The following CCDC187 variants were observed in gnomAD, a reference collection of about 807,000 sequenced individuals.
CCDC187 encodes the protein coiled-coil domain containing 187.
In CCDC187, 32 loss-of-function variants were observed where a neutral mutation model predicts 38.0. The ratio of observed to expected loss-of-function variants is 0.84; its 90% CI spans 0.64 to 1.13. The LOEUF is 1.13. Among genes scored for constraint, CCDC187 ranks in the 50% most tolerant of loss-of-function variants. The pLI is 0.00. For synonymous variants in CCDC187, 333 were observed against 347.9 expected (o/e 0.96, Z 0.48); for missense variants, 707 against 786.8 (o/e 0.90, Z 1.21).
intron 10 of CCDC187, among the ~76,000 whole-genome samples, chr9:136,279,978 G>C (rs1414858281): frequency 1.3e-5 from 2 of 152,198 alleles, no homozygotes; most frequent in Non-Finnish European, 2.9e-5. Flanking sequence ...GCCCTTGCCA[G>C]ACACCGGCAT....
Position 136,252,582 on chromosome 9 carries a change from C to T in CCDC187, c.*1012G>A, listed in dbSNP as rs377040686. On this transcript the variant is annotated 3_prime_UTR_variant, in exon 26 of 26. Coordinates refer to ENST00000638797, the MANE Select transcript of CCDC187 (RefSeq NM_001378188.1). ...TGTCCCGCACAGCCGGCCGCCCGGC[C>T]GGTCCACCCTGGGAAAGTCCAGGCC... The T allele has an allele frequency of 9.6e-4, 165 of 172,132 alleles. No homozygotes were observed. The highest frequency in any genetic ancestry group is 6.4e-3 in the South Asian group (67 of 10,394). The allele number at this position is 172,132 out of a possible 1,614,324, so 10.7% of individuals were successfully genotyped here.
chr9:136,268,110 T>C lies in CCDC187; in HGVS notation c.3458A>G (p.Asp1153Gly). 1 of 985,490 alleles carries C rather than the reference T, an allele frequency of 1.0e-6. No homozygotes were observed. Among genetic ancestry groups the C allele is most frequent in the Non-Finnish European group, 1.2e-6 (1 of 829,964 alleles). The allele number at this position is 985,490 out of a possible 1,614,324, so 61.0% of individuals were successfully genotyped here. The part of the protein sequence containing the change: ...KPASAEVEGP[D>G]GALSQLPLAK... ...CAGGGGAAGCTGGGAGAGGGCTCCGTCAGGGCCCTCCACCTCTGAGGAAGG... is the reference window on the plus strand; with the variant it reads ...CAGGGGAAGCTGGGAGAGGGCTCCGCCAGGGCCCTCCACCTCTGAGGAAGG... Residue 1153 changes from aspartate to glycine, a missense_variant, in exon 15 of 26, where the codon GAC becomes GGC. Physicochemically the swap from Asp to Gly is moderately conservative, Grantham distance 94 (BLOSUM62 -1). Transcript: ENST00000638797.
chr9:136,301,751 T>C (rs1378710239), intron 2 of CCDC187, among the ~76,000 whole-genome samples: 1 of 151,922 alleles, frequency 6.6e-6, no homozygotes, highest in South Asian at 2.1e-4. Context: ...CATGCCCAGC[T>C]AGTTTTTTTT....
chr9:136,260,770 G>T (rs540097842), intron 19 of CCDC187, among the ~76,000 whole-genome samples: 5 of 152,324 alleles, frequency 3.3e-5, no homozygotes, highest in Admixed American at 3.3e-4. Context: ...TTCACAGATG[G>T]TCCAGGGTGA....
At chr9:136,294,579 G>T (rs1007093747) in intron 4 of CCDC187, among the ~76,000 whole-genome samples, 4 of 152,164 alleles carry the variant, frequency 2.6e-5, no homozygotes, top group Non-Finnish European at 4.4e-5. Flanking sequence ...GAGCACCCAG[G>T]GGCAGGCTCC....
chr9:136,288,065 G>A (rs974123253), intron 7 of CCDC187, among the ~76,000 whole-genome samples: 13 of 152,146 alleles, frequency 8.5e-5, no homozygotes, highest in East Asian at 1.9e-4. Flanking sequence ...GCAGCTGCCC[G>A]AGACGACGAG....
intron 14 of CCDC187, among the ~76,000 whole-genome samples, chr9:136,269,517 G>A (rs1446542443): frequency 3.3e-5 from 5 of 152,122 alleles, no homozygotes; most frequent in Non-Finnish European, 7.4e-5. Flanking sequence ...GCGTGGTGGT[G>A]GGCGCCTGTA....
Position 136,254,975 on chromosome 9 carries a change from G to A in CCDC187, c.4853C>T (p.Ala1618Val), listed in dbSNP as rs1830594847. The change falls in exon 26 of 26, where the codon GCA becomes GTA. Residue 1618 changes from alanine to valine, a missense_variant. Ala to Val is a moderately conservative substitution (Grantham distance 64). Transcript: ENST00000638797. ...EATVSSHTSP[A>V]GSVSSLSCPS... Reference sequence around the variant, plus strand: ...ACAGGACAGGCTGCTCACAGAGCCTGCTGGGGAGGTGTGGGATGACACCGT... The same window carrying A: ...ACAGGACAGGCTGCTCACAGAGCCTACTGGGGAGGTGTGGGATGACACCGT... 3 of 985,380 alleles carry A rather than the reference G, an allele frequency of 3.0e-6. No homozygotes were observed. Among genetic ancestry groups the A allele is most frequent in the Non-Finnish European group, 3.6e-6 (3 of 829,960 alleles). The allele number at this position is 985,380 out of a possible 1,614,324, so 61.0% of individuals were successfully genotyped here. A position where few individuals can be genotyped will look rare whatever the true frequency, so the allele number is the denominator to read the frequency against.
chr9:136,289,500 CAG>C (rs1198972447), intron 7 of CCDC187, among the ~76,000 whole-genome samples: 403 of 95,240 alleles, frequency 4.2e-3, no homozygotes, highest in Admixed American at 9.1e-3. Flanking sequence ...GCCTGGGCAA[CAG>C]AGCAAAACTC....
intron 14 of CCDC187, 55 bp from the exon 15 acceptor site, chr9:136,268,180 C>T: frequency 1.0e-6 from 1 of 965,104 alleles, no homozygotes; most frequent in Non-Finnish European, 1.2e-6. Flanking sequence ...TGCCCCGTGT[C>T]AGGGGCCATT....
chr9:136,275,483 C>T (rs977481675), intron 12 of CCDC187, among the ~76,000 whole-genome samples: 14 of 152,290 alleles, frequency 9.2e-5, no homozygotes, highest in Non-Finnish European at 1.8e-4. Flanking sequence ...CGCGTGCACA[C>T]ACCCACACGT....
chr9:136,264,258 A>C lies in CCDC187; in HGVS notation c.3736-460T>G, dbSNP rs1830714657. The C allele has an allele frequency of 6.6e-6, 1 of 152,460 alleles. No homozygotes were observed. The highest frequency in any genetic ancestry group is 1.5e-5 in the Non-Finnish European group (1 of 68,226). 9.4% of individuals were successfully genotyped at this position (152,460 alleles called of 1,614,324 possible). On this transcript the variant is annotated intron_variant, in intron 17 of 25. Coordinates refer to ENST00000638797, the MANE Select transcript of CCDC187 (RefSeq NM_001378188.1). This position sits in a 1 kb window ranked among gnomAD's most constrained non-coding sequence, Gnocchi z 4.3. ...CTGGGAGACAGCAGCTTCACTGGTGAGACGGGAAAGCGAGGCTCTGCCAAG... is the reference window on the plus strand; with the variant it reads ...CTGGGAGACAGCAGCTTCACTGGTGCGACGGGAAAGCGAGGCTCTGCCAAG...
chr9:136,293,539 T>C (rs1311920495), intron 4 of CCDC187, among the ~76,000 whole-genome samples: 1 of 147,448 alleles, frequency 6.8e-6, no homozygotes, highest in Admixed American at 6.7e-5. Flanking sequence ...GCTTACACAC[T>C]CACACTGACA....
At chr9:136,291,703 C>T (rs1346050805) in intron 5 of CCDC187, 58 bp from the exon 6 acceptor site, 2 of 398,512 alleles carry the variant, frequency 5.0e-6, no homozygotes, top group Admixed American at 4.4e-5. Context: ...GCAAAGCCAG[C>T]TCCTCCATCC....
At chr9:136,267,285 C>G (rs531574170) in intron 16 of CCDC187, 99 bp downstream of exon 16, 61 of 869,216 alleles carry the variant, frequency 7.0e-5, no homozygotes, top group African/African-American at 3.6e-4. Flanking sequence ...ACGGGCGGGA[C>G]CCGGACGGGG....
chr9:136,275,867 T>C (rs969896630), intron 12 of CCDC187, among the ~76,000 whole-genome samples: 28 of 152,134 alleles, frequency 1.8e-4, no homozygotes, highest in Non-Finnish European at 4.1e-4. Flanking sequence ...TTGGGTTGCA[T>C]GCTCCCATGG....
At chr9:136,282,523 A>G (rs1831069965) in intron 9 of CCDC187, among the ~76,000 whole-genome samples, 1 of 152,160 alleles carries the variant, frequency 6.6e-6, no homozygotes, top group African/African-American at 2.4e-5. Context: ...TGCATCTGTG[A>G]GCACGGCTCA....
chr9:136,268,289 C>T (rs546245917), intron 14 of CCDC187, 164 bp from the exon 15 acceptor site: 5 of 208,986 alleles, frequency 2.4e-5, no homozygotes, highest in Admixed American at 1.3e-4. Context: ...CACAAGACCA[C>T]GCGGGAAGGG....
intron 23 of CCDC187, 92 bp from the exon 24 acceptor site, chr9:136,256,415 G>A (rs893702766): frequency 1.0e-4 from 58 of 570,958 alleles, no homozygotes; most frequent in Middle Eastern, 8.4e-4. Flanking sequence ...TGCTTCCAGC[G>A]ACCACGGTAA....
Sources: allele counts gnomAD v4.1 joint callset (sites outside exome capture counted in the v4.1 genomes callset), GRCh38; gene constraint gnomAD v4.1.1; non-coding constraint Gnocchi (gnomAD v3.1); transcripts MANE v1.5; gene names NCBI Gene and HGNC (gene_info 2026-07-23, HGNC 2026-07-21).